TMEM132C: variants seen among roughly 807,000 people sequenced by gnomAD.
The protein encoded by TMEM132C is transmembrane protein 132C, also known as protein phosphatase 1, regulatory subunit 152.
Under a neutral mutation model 61.4 loss-of-function variants are expected in TMEM132C, and 29 were observed. The ratio of observed to expected loss-of-function variants is 0.47; its 90% CI spans 0.35 to 0.64. The LOEUF (loss-of-function observed/expected upper bound fraction) is 0.64, where lower values mean the gene tolerates loss of function less well. Ranked by LOEUF, TMEM132C falls within the 30% of genes least tolerant of loss-of-function variation. TMEM132C has a pLI of 0.00. For synonymous variants in TMEM132C, 656 were observed against 633.1 expected (o/e 1.04, Z -0.54); for missense variants, 1,408 against 1,476.9 (o/e 0.95, Z 0.76).
chr12:128,445,812 C>G (rs1234329193), intron 2 of TMEM132C, among the ~76,000 whole-genome samples: 1 of 152,150 alleles, frequency 6.6e-6, no homozygotes, highest in Non-Finnish European at 1.5e-5. Context: ...CCCCCCACCC[C>G]TCACCCCTGG....
At chr12:128,344,480 GTA>G (rs1430076024) in intron 1 of TMEM132C, among the ~76,000 whole-genome samples, 2 of 152,098 alleles carry the variant, frequency 1.3e-5, no homozygotes. Flanking sequence ...TGTCTTTTGG[GTA>G]TAGTCCTAAA....
chr12:128,300,855 T>C (rs976190469), intron 1 of TMEM132C, among the ~76,000 whole-genome samples: 1 of 152,018 alleles, frequency 6.6e-6, no homozygotes, highest in Non-Finnish European at 1.5e-5. Flanking sequence ...CTGGGCAACA[T>C]AGGGGGACCC....
At chr12:128,462,002 C>T (rs559204906) in intron 2 of TMEM132C, among the ~76,000 whole-genome samples, 3 of 152,330 alleles carry the variant, frequency 2.0e-5, no homozygotes, top group African/African-American at 7.2e-5. Flanking sequence ...TCTGTGTGTT[C>T]AGCAGAAGGT....
chr12:128,595,208 A>T (rs923361719), intron 3 of TMEM132C, among the ~76,000 whole-genome samples: 1 of 152,152 alleles, frequency 6.6e-6, no homozygotes, highest in African/African-American at 2.4e-5. Flanking sequence ...CTCACAGAGG[A>T]GACATTTGTT....
chr12:128,311,132 C>T (rs1427448575), intron 1 of TMEM132C, among the ~76,000 whole-genome samples: 1 of 152,234 alleles, frequency 6.6e-6, no homozygotes, highest in Non-Finnish European at 1.5e-5. Context: ...GTGTGGCTTG[C>T]CACAGAGCTA....
At chr12:128,531,166 A>T (rs948391443) in intron 2 of TMEM132C, among the ~76,000 whole-genome samples, 1 of 152,248 alleles carries the variant, frequency 6.6e-6, no homozygotes, top group Non-Finnish European at 1.5e-5. Context: ...TGGGGACCAG[A>T]ACAGGGGAAA....
In TMEM132C at chr12:128,302,661, G is replaced by A. The variant is rs78287256; in HGVS notation, c.85+35174G>A. Among the ~76,000 whole-genome samples the A allele has an allele frequency of 3.3e-3, 496 of 152,318 alleles. 2 individuals carry two copies. The highest frequency in any genetic ancestry group is 5.3e-3 in the Non-Finnish European group (362 of 68,030). ...GAAAACAGGGCTTTAAGAGAATGTG[G>A]CAAGTATTAAGAGACACAGATACTT... On this transcript the variant is annotated intron_variant, in intron 1 of 8. Transcript: ENST00000435159.
At chr12:128,348,959 GTTAT>G (rs1480686846) in intron 1 of TMEM132C, among the ~76,000 whole-genome samples, 2 of 152,126 alleles carry the variant, frequency 1.3e-5, no homozygotes, top group Non-Finnish European at 2.9e-5. Context: ...TTGTTTTGAA[GTTAT>G]TTGTTTGTTA....
intron 1 of TMEM132C, among the ~76,000 whole-genome samples, chr12:128,312,665 T>G (rs976131053): frequency 1.3e-5 from 2 of 152,150 alleles, no homozygotes; most frequent in Non-Finnish European, 2.9e-5. Context: ...CATCAGGAAC[T>G]GGGAGACTCA....
At chr12:128,442,923 C>G (rs1389233712) in intron 2 of TMEM132C, among the ~76,000 whole-genome samples, 9 of 152,136 alleles carry the variant, frequency 5.9e-5, no homozygotes, top group Non-Finnish European at 1.3e-4. Context: ...AGAAATTTGA[C>G]TATAAACTAT....
intron 3 of TMEM132C, among the ~76,000 whole-genome samples, chr12:128,558,334 TGGGA>T (rs983445997): frequency 6.6e-6 from 1 of 152,110 alleles, no homozygotes; most frequent in Admixed American, 6.6e-5. Context: ...AGGGACCCGG[TGGGA>T]GGGAATTGAA....
At chr12:128,553,598 A>G (rs1279234384) in intron 3 of TMEM132C, among the ~76,000 whole-genome samples, 1 of 152,164 alleles carries the variant, frequency 6.6e-6, no homozygotes, top group Non-Finnish European at 1.5e-5. Flanking sequence ...AAAGCCCCCT[A>G]TCGCGGGGCA....
intron 1 of TMEM132C, among the ~76,000 whole-genome samples, chr12:128,345,329 C>A (rs1221257915): frequency 6.6e-6 from 1 of 152,120 alleles, no homozygotes; most frequent in Non-Finnish European, 1.5e-5. Flanking sequence ...AGGTTGATTC[C>A]ATGTCTTTGC....
intron 3 of TMEM132C, among the ~76,000 whole-genome samples, chr12:128,595,724 G>A (rs999410497): frequency 6.6e-6 from 1 of 152,148 alleles, no homozygotes; most frequent in Admixed American, 6.5e-5. Context: ...ACTGACAAAT[G>A]CAGCCCTTTT....
intron 2 of TMEM132C, among the ~76,000 whole-genome samples, chr12:128,418,750 A>G (rs999239688): frequency 1.3e-5 from 2 of 152,190 alleles, no homozygotes; most frequent in South Asian, 2.1e-4. Context: ...GTTTTAGGGT[A>G]CCTTATCTCT....
intron 2 of TMEM132C, among the ~76,000 whole-genome samples, chr12:128,517,274 A>G (rs1223494039): frequency 6.6e-6 from 1 of 151,754 alleles, no homozygotes; most frequent in Non-Finnish European, 1.5e-5. Flanking sequence ...ATAAACAAAC[A>G]AATATACAAA....
chr12:128,428,351 T>C (rs553692149), intron 2 of TMEM132C, among the ~76,000 whole-genome samples: 1 of 152,312 alleles, frequency 6.6e-6, no homozygotes, highest in African/African-American at 2.4e-5. Flanking sequence ...GCCCACATTG[T>C]TCTCCTTCTC....
intron 2 of TMEM132C, among the ~76,000 whole-genome samples, chr12:128,539,076 A>G (rs1873639183): frequency 6.6e-6 from 1 of 152,168 alleles, no homozygotes; most frequent in South Asian, 2.1e-4. Context: ...CTTATTGAAC[A>G]TCATGTTTAT....
At chr12:128,433,310 C>A (rs904001500) in intron 2 of TMEM132C, among the ~76,000 whole-genome samples, 38 of 152,126 alleles carry the variant, frequency 2.5e-4, no homozygotes, top group African/African-American at 8.2e-4. Flanking sequence ...TCCAGTGGAA[C>A]AGAACAAAAA....
Sources: allele counts gnomAD v4.1 joint callset (sites outside exome capture counted in the v4.1 genomes callset), GRCh38; gene constraint gnomAD v4.1.1; transcripts MANE v1.5; gene names NCBI Gene and HGNC (gene_info 2026-07-23, HGNC 2026-07-21).